CCDC150: variants seen among roughly 807,000 people sequenced by gnomAD.
CCDC150 encodes coiled-coil domain containing 150, also known as coiled-coil domain-containing protein 150.
In CCDC150, 151 loss-of-function variants were observed where a neutral mutation model predicts 156.5. The observed-to-expected ratio is 0.97, with a 90% CI of 0.85 to 1.10. The LOEUF is 1.10. Ranked by LOEUF, CCDC150 falls within the 50% of genes least tolerant of loss-of-function variation. The pLI, the probability that CCDC150 is intolerant of heterozygous loss-of-function variation, is 0.00. For missense variants in CCDC150, 1,312 were observed against 1,268.1 expected, an observed-to-expected ratio of 1.03 and a Z score of -0.53; for synonymous variants, 452 against 429.4, an observed-to-expected ratio of 1.05 and a Z score of -0.65.
chr2:196,705,167 C>T (rs1696528889), intron 15 of CCDC150, among the ~76,000 whole-genome samples: 1 of 152,234 alleles, frequency 6.6e-6, no homozygotes, highest in East Asian at 1.9e-4. Flanking sequence ...TACACTTCCA[C>T]CAACAGTGTA....
chr2:196,676,791 C>T, intron 12 of CCDC150, 60 bp downstream of exon 12: 1 of 1,397,782 alleles, frequency 7.2e-7, no homozygotes, highest in Non-Finnish European at 9.9e-7. Context: ...TTTAAAATTG[C>T]ATTCTAAATG....
At chr2:196,677,182 ATC>A in intron 12 of CCDC150, 109 bp from the exon 13 acceptor site, 1 of 758,608 alleles carries the variant, frequency 1.3e-6, no homozygotes, top group Non-Finnish European at 2.4e-6. Context: ...AGGATGTGCT[ATC>A]TCTGCAGTGT....
At chr2:196,644,262 C>G (rs959276845) in intron 1 of CCDC150, among the ~76,000 whole-genome samples, 2 of 152,260 alleles carry the variant, frequency 1.3e-5, no homozygotes, top group Middle Eastern at 3.4e-3. Context: ...GGAGCTGTGT[C>G]TGCGCACACC....
intron 4 of CCDC150, 78 bp from the exon 5 acceptor site, chr2:196,658,714 A>T: frequency 1.9e-6 from 2 of 1,037,942 alleles, no homozygotes; most frequent in African/African-American, 1.6e-5. Flanking sequence ...AAAAAACCTG[A>T]TTTGATCTGA....
chr2:196,674,482 T>G (rs1470448751), intron 10 of CCDC150, 134 bp downstream of exon 10: 1 of 607,988 alleles, frequency 1.6e-6, no homozygotes, highest in African/African-American at 1.9e-5. Context: ...TTAATTCTAT[T>G]AGTGCTTTTC....
intron 7 of CCDC150, chr2:196,667,193 G>T: frequency 3.2e-6 from 1 of 313,568 alleles, no homozygotes; most frequent in Non-Finnish European, 6.1e-6. Flanking sequence ...TAGTAAGGTA[G>T]TAAGGCCATG....
At chr2:196,682,878 T>C (rs1354238763) in intron 13 of CCDC150, among the ~76,000 whole-genome samples, 1 of 152,056 alleles carries the variant, frequency 6.6e-6, no homozygotes, top group East Asian at 1.9e-4. Flanking sequence ...GTAATAGAGA[T>C]AGTTATTTTT....
intron 13 of CCDC150, among the ~76,000 whole-genome samples, chr2:196,684,201 CCT>C (rs1385982252): frequency 2.0e-5 from 3 of 151,998 alleles, no homozygotes; most frequent in African/African-American, 7.2e-5. Context: ...TATAAATTTC[CCT>C]CTCTGCACTG....
At chr2:196,710,384 G>C (rs909479946) in intron 15 of CCDC150, among the ~76,000 whole-genome samples, 1 of 126,274 alleles carries the variant, frequency 7.9e-6, no homozygotes, top group Non-Finnish European at 1.6e-5. Flanking sequence ...GGAGTGTCCT[G>C]TTTTTCCAGG....
At chr2:196,710,549 CTG>C (rs1697039242) in intron 15 of CCDC150, among the ~76,000 whole-genome samples, 1 of 152,184 alleles carries the variant, frequency 6.6e-6, no homozygotes, top group South Asian at 2.1e-4. Context: ...CCAGGTACCT[CTG>C]TGAAAATGCA....
At position 196,677,360 on chromosome 2, in the gene CCDC150, A is replaced by C; in HGVS notation, c.1508A>C (p.Lys503Thr). ...TTGGAAAAGGAATTAGCTAAAAACA[A>C]GGTATTCTTCATTTTACTTACTGAT... ...CNLEKELAKN[K>T]VDINTLTHNL... The change falls in exon 13 of 28, where the codon AAG (lysine) becomes ACG (threonine). Residue 503 changes from lysine to threonine, a missense_variant and splice_region_variant. Coordinates refer to ENST00000389175, the MANE Select transcript of CCDC150 (RefSeq NM_001080539.2). The C allele has an allele frequency of 6.5e-7, 1 of 1,530,750 alleles. No individual in the cohort carries two copies. The allele number at this position is 1,530,750 out of a possible 1,614,324, so 94.8% of individuals were successfully genotyped here.
intron 12 of CCDC150, among the ~76,000 whole-genome samples, chr2:196,676,953 C>T (rs1429951004): frequency 6.6e-6 from 1 of 152,176 alleles, no homozygotes; most frequent in East Asian, 1.9e-4. Context: ...TGAATGTTAA[C>T]TAGTAATTCA....
intron 14 of CCDC150, among the ~76,000 whole-genome samples, chr2:196,699,849 A>T (rs1428637122): frequency 6.6e-6 from 1 of 152,158 alleles, no homozygotes; most frequent in Non-Finnish European, 1.5e-5. Flanking sequence ...AAATATCTTG[A>T]ACAGAGGAAA....
Position 196,656,867 on chromosome 2 carries a change from AATC to A in CCDC150, c.397+19_397+21del. The A allele has an allele frequency of 6.2e-7, 1 of 1,612,912 alleles. No individual in the cohort carries two copies. Among genetic ancestry groups the A allele is most frequent in the Non-Finnish European group, 8.5e-7 (1 of 1,179,136 alleles). ...CTCAGAAAACAGGTATAGAGATAAG[AATC>A]ATCAGAAATGTGGTCCTGTATAGGT... On this transcript the variant is annotated intron_variant, in intron 3 of 27. Transcript: ENST00000389175.
intron 17 of CCDC150, among the ~76,000 whole-genome samples, chr2:196,716,754 A>G (rs1366823442): frequency 6.6e-6 from 1 of 151,496 alleles, no homozygotes; most frequent in African/African-American, 2.4e-5. Context: ...TGTGTAGCTT[A>G]TTGTATATCA....
At chr2:196,706,601 G>T (rs1696661148) in intron 15 of CCDC150, among the ~76,000 whole-genome samples, 1 of 152,180 alleles carries the variant, frequency 6.6e-6, no homozygotes, top group Admixed American at 6.5e-5. Context: ...AGTTTTCAAA[G>T]GAAATGCTTT....
intron 13 of CCDC150, among the ~76,000 whole-genome samples, chr2:196,694,610 T>G (rs1695701878): frequency 1.3e-5 from 2 of 151,996 alleles, no homozygotes; most frequent in African/African-American, 4.8e-5. Context: ...ATGTCTGTAA[T>G]CCCGGCACTT....
chr2:196,676,265 T>C lies in CCDC150; in HGVS notation c.1260T>C (p.His420=). Residue 420 remains histidine (H), a splice_region_variant and synonymous_variant, in exon 11 of 28, where the codon CAT becomes CAC. Coordinates refer to ENST00000389175, the MANE Select transcript of CCDC150 (RefSeq NM_001080539.2). ...ATGAGAAAACCCAACTCCAGGCACATCTGTAAGTAAATTATGGGCAACTTC... is the reference window on the plus strand; with the variant it reads ...ATGAGAAAACCCAACTCCAGGCACACCTGTAAGTAAATTATGGGCAACTTC... The part of the protein sequence containing the change: ...VQNEKTQLQA[H]LDHLILEHNQ... The C allele has an allele frequency of 6.2e-7, 1 of 1,613,190 alleles. No homozygotes were observed. The highest frequency in any genetic ancestry group is 8.5e-7 in the Non-Finnish European group (1 of 1,179,504).
At chr2:196,717,822 T>C (rs1697624886) in intron 17 of CCDC150, among the ~76,000 whole-genome samples, 1 of 151,964 alleles carries the variant, frequency 6.6e-6, no homozygotes, top group African/African-American at 2.4e-5. Context: ...TCCCGGAAGG[T>C]GGAGGTTGCA....
Sources: gnomAD v4.1 joint callset for allele counts (sites outside exome capture counted in the v4.1 genomes callset) on GRCh38, gnomAD v4.1.1 for gene constraint, MANE v1.5 for transcripts, NCBI Gene and HGNC (gene_info 2026-07-23, HGNC 2026-07-21) for gene names.